The following BMPER variants were observed in gnomAD, a reference collection of about 807,000 sequenced individuals.
BMPER encodes the protein BMP binding endothelial regulator.
A neutral mutation model predicts 87.3 loss-of-function variants in BMPER; 45 were observed. The observed-to-expected ratio is 0.52, with a 90% CI of 0.41 to 0.66. The LOEUF (loss-of-function observed/expected upper bound fraction) is 0.66. Ranked by LOEUF, BMPER falls within the 30% of genes least tolerant of loss-of-function variation. BMPER has a pLI of 0.00. For synonymous variants in BMPER, 326 were observed against 316.2 expected, an observed-to-expected ratio of 1.03 and a Z score of -0.33; for missense variants, 784 against 867.5, an observed-to-expected ratio of 0.90 and a Z score of 1.21.
intron 13 of BMPER, among the ~76,000 whole-genome samples, chr7:34,109,951 T>A (rs1429669564): frequency 6.6e-6 from 1 of 152,332 alleles, no homozygotes; most frequent in African/African-American, 2.4e-5. Context: ...TCCTGGTTTT[T>A]AATGTTATAG....
intron 6 of BMPER, among the ~76,000 whole-genome samples, chr7:34,025,190 GT>G (rs758852319): frequency 1.3e-5 from 2 of 152,116 alleles, no homozygotes; most frequent in Non-Finnish European, 2.9e-5. Flanking sequence ...TTCCAAGACA[GT>G]TTGCCATAAA....
chr7:33,991,760 A>G (rs1161741460), intron 6 of BMPER, among the ~76,000 whole-genome samples: 4 of 149,564 alleles, frequency 2.7e-5, no homozygotes, highest in East Asian at 2.0e-4. Context: ...ATTTAGTGCT[A>G]TAAATTTCCC....
intron 11 of BMPER, among the ~76,000 whole-genome samples, chr7:34,063,904 T>G (rs1197336129): frequency 1.3e-5 from 2 of 152,248 alleles, no homozygotes; most frequent in Non-Finnish European, 2.9e-5. Context: ...TATTTTCCAG[T>G]TAACTCTTTC....
rs905368092 is a variant in BMPER at position 34,028,841 on chromosome 7, A to G, written c.577-17465A>G. On this transcript the variant is annotated intron_variant, in intron 6 of 14. Transcript: ENST00000649409. The stretch of plus-strand genomic sequence containing the variant: ...TGCCAGTGTCTTTTCTATCTGGCCA[A>G]CTCCTCCATGTGGAGAGATGGACAG... Among the ~76,000 whole-genome samples the G allele has an allele frequency of 5.3e-5, 8 of 151,416 alleles. No homozygotes were observed. The South Asian group carries it at 8.3e-4, about 16-fold the overall frequency.
intron 13 of BMPER, among the ~76,000 whole-genome samples, chr7:34,091,678 A>G (rs2127979363): frequency 6.6e-6 from 1 of 152,238 alleles, no homozygotes; most frequent in Non-Finnish European, 1.5e-5. Context: ...GATTTAACCC[A>G]CTTATGCCTA....
intron 11 of BMPER, among the ~76,000 whole-genome samples, chr7:34,065,510 C>G (rs1250191912): frequency 6.6e-6 from 1 of 152,184 alleles, no homozygotes; most frequent in Non-Finnish European, 1.5e-5. Flanking sequence ...ATAGAGGAAA[C>G]AGCATGGGTG....
chr7:34,144,132 A>G, intron 14 of BMPER, among the ~76,000 whole-genome samples: 1 of 152,194 alleles, frequency 6.6e-6, no homozygotes, highest in East Asian at 1.9e-4. Flanking sequence ...TCTACAGATG[A>G]TATTTCAGCC....
At chr7:33,934,548 A>G (rs890114132) in intron 2 of BMPER, among the ~76,000 whole-genome samples, 5 of 151,920 alleles carry the variant, frequency 3.3e-5, no homozygotes, top group African/African-American at 1.2e-4. Flanking sequence ...CCAGATGTGA[A>G]TCTACAAACC....
intron 6 of BMPER, among the ~76,000 whole-genome samples, chr7:33,988,185 A>T (rs1786066494): frequency 6.6e-6 from 1 of 152,052 alleles, no homozygotes; most frequent in African/African-American, 2.4e-5. Flanking sequence ...GGCTGTGTTG[A>T]CTTTAGGGAT....
chr7:34,031,910 A>G (rs1390016051), intron 6 of BMPER, among the ~76,000 whole-genome samples: 1 of 126,078 alleles, frequency 7.9e-6, no homozygotes, highest in Non-Finnish European at 1.6e-5. Context: ...ATATATATAT[A>G]TATATATATA....
chr7:34,086,137 A>G (rs1460444863), intron 13 of BMPER, 45 bp downstream of exon 13: 1 of 1,584,536 alleles, frequency 6.3e-7, no homozygotes, highest in South Asian at 1.1e-5. Flanking sequence ...GCAGACCAAT[A>G]ATAGACTTGA....
At chr7:33,943,046 T>G (rs1246520907) in intron 3 of BMPER, among the ~76,000 whole-genome samples, 1 of 152,174 alleles carries the variant, frequency 6.6e-6, no homozygotes, top group Non-Finnish European at 1.5e-5. Flanking sequence ...CTCCTTTCCT[T>G]CCTTGGCACA....
chr7:34,073,792 TG>T (rs2127971489), intron 11 of BMPER, among the ~76,000 whole-genome samples: 1 of 152,360 alleles, frequency 6.6e-6, no homozygotes, highest in East Asian at 1.9e-4. Flanking sequence ...CTGGGCTATG[TG>T]GTCAGTTTTG....
rs561820074 is a variant in BMPER at position 33,969,984 on chromosome 7, G to T, written c.403-345G>T. On this transcript the variant is annotated intron_variant, in intron 4 of 14. Coordinates refer to ENST00000649409, the MANE Select transcript of BMPER (RefSeq NM_001365308.1). ...AACAATGATAGAAAGTACAGGAAGT[G>T]TGGAAAACCTAAAACAATTGTGAAT... 2.0e-5 allele frequency among the ~76,000 whole-genome samples: 3 copies of T among 152,328 alleles called. No homozygotes were observed. In the South Asian group the frequency reaches 6.2e-4, roughly 32 times the overall value.
intron 13 of BMPER, among the ~76,000 whole-genome samples, chr7:34,097,005 G>T (rs982161865): frequency 1.3e-5 from 2 of 152,186 alleles, no homozygotes; most frequent in Non-Finnish European, 2.9e-5. Flanking sequence ...GAGCTTGCAG[G>T]GCATGTTAAT....
rs1791278938 is a variant in BMPER, at chr7:34,155,121, AG to A, written c.*1850del. ...CTAGGAGACTTTGGGCAGTAATGGGAGGCACTGAGGGTTTGCAAATACTTTC... is the reference window on the plus strand; with the variant it reads ...CTAGGAGACTTTGGGCAGTAATGGGAGCACTGAGGGTTTGCAAATACTTTC... On this transcript the variant is annotated 3_prime_UTR_variant, in exon 15 of 15. Coordinates refer to ENST00000649409, the MANE Select transcript of BMPER (RefSeq NM_001365308.1). 1 of 152,174 alleles carries A rather than the reference AG, an allele frequency of 6.6e-6. No individual in the cohort carries two copies. The highest frequency in any genetic ancestry group is 1.5e-5 in the Non-Finnish European group (1 of 68,032). 9.4% of individuals were successfully genotyped at this position (152,174 alleles called of 1,614,324 possible).
rs1421229811 is a variant in BMPER, at chr7:34,154,205, G to C, written c.*932G>C. 1 of 152,530 alleles carries C rather than the reference G, an allele frequency of 6.6e-6. No homozygotes were observed. Among genetic ancestry groups the C allele is most frequent in the Non-Finnish European group, 1.5e-5 (1 of 68,036 alleles). 9.4% of individuals were successfully genotyped at this position (152,530 alleles called of 1,614,324 possible). A position where few individuals can be genotyped will look rare whatever the true frequency, so the allele number is the denominator to read the frequency against. Reference sequence around the variant, plus strand: ...GGCTATTTCATGTATAAAATGAAAGGCTTTAGTTATTTCTAGAGGAGTCCC... The same window carrying C: ...GGCTATTTCATGTATAAAATGAAAGCCTTTAGTTATTTCTAGAGGAGTCCC... On this transcript the variant is annotated 3_prime_UTR_variant, in exon 15 of 15. Transcript: ENST00000649409.
intron 6 of BMPER, among the ~76,000 whole-genome samples, chr7:34,027,858 T>C (rs866458591): frequency 6.6e-6 from 1 of 152,076 alleles, no homozygotes; most frequent in South Asian, 2.1e-4. Context: ...GAGATGCTAT[T>C]AAAAATGATT....
In BMPER at chr7:33,921,103, C is replaced by T. The variant is rs577849945; in HGVS notation, c.219+14200C>T. 1.8e-3 allele frequency among the ~76,000 whole-genome samples: 276 copies of T among 152,234 alleles called. 1 individual carries two copies. Among genetic ancestry groups the T allele is most frequent in the African/African-American group, 5.5e-3 (228 of 41,540 alleles). ...TATTGGTTACTTTTTTATTATAACC[C>T]TTACTCCTCTCTCCTCTAGATTTTT... On this transcript the variant is annotated intron_variant, in intron 2 of 14. Coordinates refer to ENST00000649409, the MANE Select transcript of BMPER (RefSeq NM_001365308.1).
Sources: allele counts gnomAD v4.1 joint callset (sites outside exome capture counted in the v4.1 genomes callset), GRCh38; gene constraint gnomAD v4.1.1; transcripts MANE v1.5; gene names NCBI Gene and HGNC (gene_info 2026-07-23, HGNC 2026-07-21).